CNOT1: variants seen among roughly 807,000 people sequenced by gnomAD.
CNOT1 encodes the protein CCR4-NOT transcription complex subunit 1.
In CNOT1, 15 loss-of-function variants were observed where a neutral mutation model predicts 273.8. That is an observed-to-expected ratio of 0.05 (90% CI 0.04 to 0.08). CNOT1 has a LOEUF of 0.08. Among genes scored for constraint, CNOT1 ranks in the 10% least tolerant of loss-of-function variants. The pLI, the probability that CNOT1 is intolerant of heterozygous loss-of-function variation, is 1.00. For synonymous variants in CNOT1, 1,022 were observed against 1,005.5 expected, an observed-to-expected ratio of 1.02 and a Z score of -0.31; for missense variants, 1,644 against 2,912.2, an observed-to-expected ratio of 0.56 and a Z score of 10.02.
intron 18 of CNOT1, 44 bp downstream of exon 18, chr16:58,558,429 G>A (rs1390105162): frequency 1.9e-6 from 3 of 1,609,602 alleles, no homozygotes; most frequent in Middle Eastern, 2.0e-4. Flanking sequence ...CATAACTAAG[G>A]CAAACTTATG....
chr16:58,603,129 T>G (rs1158161829), intron 1 of CNOT1, among the ~76,000 whole-genome samples: 2 of 152,204 alleles, frequency 1.3e-5, no homozygotes, highest in East Asian at 1.9e-4. Context: ...TCATCATATC[T>G]CTCACCTGGA....
At chr16:58,542,162 G>A (rs755503769) in intron 33 of CNOT1, 69 bp downstream of exon 33, 254 of 1,571,514 alleles carry the variant, frequency 1.6e-4, no homozygotes, top group Non-Finnish European at 2.1e-4. Context: ...CCAGTAAGGA[G>A]TTCAATCAAC....
rs183204222 is a variant in CNOT1 at position 58,595,815 on chromosome 16, C to T, written c.102+3421G>A. Among the ~76,000 whole-genome samples, 4 of 152,214 alleles carry T rather than the reference C, an allele frequency of 2.6e-5. No homozygotes were observed. The East Asian group carries it at 7.7e-4, about 29-fold the overall frequency. On this transcript the variant is annotated intron_variant, in intron 2 of 48. Transcript: ENST00000317147. Reference sequence around the variant, plus strand: ...AGTATAACCAGGTGAATGGGAGAGGCAGTAACTAGCCAGACAACCCATGGG... The same window carrying T: ...AGTATAACCAGGTGAATGGGAGAGGTAGTAACTAGCCAGACAACCCATGGG...
intron 1 of CNOT1, among the ~76,000 whole-genome samples, chr16:58,617,445 C>T (rs2043130754): frequency 6.6e-6 from 1 of 151,892 alleles, no homozygotes; most frequent in East Asian, 1.9e-4. Flanking sequence ...ATTTGAAAAT[C>T]CAAAGTTCGA....
intron 1 of CNOT1, among the ~76,000 whole-genome samples, chr16:58,602,733 AAAAAT>A (rs901911456): frequency 1.6e-4 from 25 of 151,834 alleles, no homozygotes; most frequent in African/African-American, 5.8e-4. Flanking sequence ...TCTGTCTCAA[AAAAAT>A]AAAATAAAAT....
At chr16:58,559,402 G>C (rs956804587) in intron 17 of CNOT1, among the ~76,000 whole-genome samples, 5 of 151,976 alleles carry the variant, frequency 3.3e-5, no homozygotes, top group African/African-American at 1.2e-4. Context: ...AAACAATCAA[G>C]CTAAATTTAA....
At position 58,543,861 on chromosome 16, in the gene CNOT1, G is replaced by A. The variant is rs2040170408; in HGVS notation, c.4180C>T (p.Arg1394Cys). 6.8e-6 allele frequency: 11 copies of A among 1,613,758 alleles called. No individual in the cohort carries two copies. The highest frequency in any genetic ancestry group is 9.3e-6 in the Non-Finnish European group (11 of 1,179,866). Residue 1394 changes from arginine (R) to cysteine (C), a missense_variant, in exon 31 of 49, where the codon CGT becomes TGT. Arg to Cys is a radical substitution (Grantham distance 180, BLOSUM62 -3). Around this residue, in one of 13 missense-constraint regions of CNOT1, gnomAD observed 133 missense variants for 230.4 expected, o/e 0.58. Transcript: ENST00000317147. ...QAHPQLKQCV[R>C]QAIERAVQEL... ...TGGACAGCCCGTTCAATTGCCTGAC[G>A]CACACACTGCTTCAACTGTGGATGG...
At chr16:58,629,489 G>A (rs1346838680) in intron 1 of CNOT1, among the ~76,000 whole-genome samples, 2 of 152,114 alleles carry the variant, frequency 1.3e-5, no homozygotes, top group Non-Finnish European at 2.9e-5. Flanking sequence ...TCCGCTTCCT[G>A]GAGCCTTCTC....
At chr16:58,554,949 A>AAAAAAAT in intron 21 of CNOT1, among the ~76,000 whole-genome samples, 1 of 150,860 alleles carries the variant, frequency 6.6e-6, no homozygotes. Context: ...AAAAAAAAAA[A>AAAAAAAT]AAAAGCTTCA....
intron 33 of CNOT1, 72 bp downstream of exon 33, chr16:58,542,159 G>A (rs2040112988): frequency 1.3e-6 from 2 of 1,556,244 alleles, no homozygotes; most frequent in South Asian, 2.3e-5. Context: ...ATTCCAGTAA[G>A]GAGTTCAATC....
intron 1 of CNOT1, among the ~76,000 whole-genome samples, chr16:58,608,034 G>C (rs1317962818): frequency 6.6e-6 from 1 of 151,752 alleles, no homozygotes. Context: ...AAATTAGCCA[G>C]GTGTGGTAGC....
chr16:58,623,724 C>T (rs1597627261), intron 1 of CNOT1, among the ~76,000 whole-genome samples: 2 of 152,066 alleles, frequency 1.3e-5, no homozygotes, highest in African/African-American at 4.8e-5. Context: ...GTGGCTCATG[C>T]CTGTCTGTAA....
intron 1 of CNOT1, among the ~76,000 whole-genome samples, chr16:58,627,717 C>T (rs1192501478): frequency 6.6e-6 from 1 of 152,080 alleles, no homozygotes; most frequent in East Asian, 1.9e-4. Context: ...GAGCACATTT[C>T]AATTCTTTTC....
intron 25 of CNOT1, chr16:58,548,412 A>G (rs1597437479): frequency 4.5e-6 from 2 of 448,884 alleles, no homozygotes; most frequent in African/African-American, 4.1e-5. Context: ...TTTAAAAAAC[A>G]TGGTCTTGAA....
At chr16:58,526,160 A>G in intron 44 of CNOT1, 22 bp from the exon 45 acceptor site, 1 of 1,612,740 alleles carries the variant, frequency 6.2e-7, no homozygotes, top group African/African-American at 1.3e-5. Flanking sequence ...AAAATGCAAG[A>G]ATCACAAGCA....
intron 11 of CNOT1, 59 bp from the exon 12 acceptor site, chr16:58,580,819 A>C: frequency 1.3e-6 from 2 of 1,505,152 alleles, no homozygotes; most frequent in Non-Finnish European, 9.0e-7. Flanking sequence ...AAAAATCTGA[A>C]ATGTTTTCAC....
chr16:58,601,335 G>A (rs936555289), intron 1 of CNOT1, among the ~76,000 whole-genome samples: 1 of 152,116 alleles, frequency 6.6e-6, no homozygotes, highest in Non-Finnish European at 1.5e-5. Flanking sequence ...CTGAGCTTGT[G>A]ATCCGCCCGC....
At chr16:58,546,612 G>C in intron 28 of CNOT1, 60 bp downstream of exon 28, 2 of 1,612,304 alleles carry the variant, frequency 1.2e-6, no homozygotes, top group Middle Eastern at 1.7e-4. Context: ...TGCCTTCACT[G>C]TAAGTTTTAA....
chr16:58,586,816 C>T (rs1056866040), intron 6 of CNOT1, 68 bp from the exon 7 acceptor site: 5 of 1,498,752 alleles, frequency 3.3e-6, no homozygotes, highest in African/African-American at 1.4e-5. Context: ...AGTCATATAC[C>T]ATCAAAATGC....
Sources: gnomAD v4.1 joint callset for allele counts (sites outside exome capture counted in the v4.1 genomes callset) on GRCh38, gnomAD v4.1.1 for gene constraint, gnomAD v4.1.1 regional missense constraint, MANE v1.5 for transcripts, NCBI Gene and HGNC (gene_info 2026-07-23, HGNC 2026-07-21) for gene names.